Variants in KCNAB1 observed in about 807,000 individuals in gnomAD.
The protein encoded by KCNAB1 is potassium voltage-gated channel subfamily A regulatory beta subunit 1.
Under a neutral mutation model 64.6 loss-of-function variants are expected in KCNAB1, and 35 were observed. The ratio of observed to expected loss-of-function variants is 0.54; its 90% CI spans 0.41 to 0.72. KCNAB1 has a LOEUF of 0.72. Ranked by LOEUF, KCNAB1 falls within the 30% of genes least tolerant of loss-of-function variation. KCNAB1 has a pLI of 0.00. For missense variants in KCNAB1, 401 were observed against 512.9 expected, an observed-to-expected ratio of 0.78 and a Z score of 2.11; for synonymous variants, 177 against 183.8, an observed-to-expected ratio of 0.96 and a Z score of 0.30.
chr3:156,443,864 CT>C lies in KCNAB1; in HGVS notation c.320-9033del, dbSNP rs570237267. ...CCTTTATTTCTCCTGGCCTTTACCA[CT>C]TCCTTACCTACTTTTATTGCTATTT... On this transcript the variant is annotated intron_variant, in intron 2 of 13. Coordinates refer to ENST00000490337, the MANE Select transcript of KCNAB1 (RefSeq NM_172160.3). Among the ~76,000 whole-genome samples the C allele has an allele frequency of 9.7e-3, 1,479 of 152,232 alleles. 13 individuals carry two copies. Among genetic ancestry groups the C allele is most frequent in the South Asian group, 0.028 (136 of 4,818 alleles).
At position 156,537,022 on chromosome 3, in the gene KCNAB1, TG is replaced by T; in HGVS notation, c.*280del. 6.3e-6 allele frequency: 3 copies of T among 477,822 alleles called. No homozygotes were observed. Among genetic ancestry groups the T allele is most frequent in the Non-Finnish European group, 1.1e-5 (3 of 272,624 alleles). 29.6% of individuals were successfully genotyped at this position (477,822 alleles called of 1,614,324 possible). A position where few individuals can be genotyped will look rare whatever the true frequency, so the allele number is the denominator to read the frequency against. Reference sequence around the variant, plus strand: ...TCATGCTTATGCAATGGGAAGAATATGGGGGCCAGGGGGTGTGGTACTACCT... The same window carrying T: ...TCATGCTTATGCAATGGGAAGAATATGGGGCCAGGGGGTGTGGTACTACCT... On this transcript the variant is annotated 3_prime_UTR_variant, in exon 14 of 14. Coordinates refer to ENST00000490337, the MANE Select transcript of KCNAB1 (RefSeq NM_172160.3).
intron 1 of KCNAB1, among the ~76,000 whole-genome samples, chr3:156,129,550 C>A (rs1222316237): frequency 1.3e-5 from 2 of 152,232 alleles, no homozygotes; most frequent in African/African-American, 2.4e-5. Flanking sequence ...TAAATTCAAC[C>A]CCTTACAATC....
intron 1 of KCNAB1, among the ~76,000 whole-genome samples, chr3:156,152,921 G>C (rs1327944151): frequency 6.6e-6 from 1 of 152,164 alleles, no homozygotes; most frequent in Non-Finnish European, 1.5e-5. Context: ...TTCCATGCTA[G>C]CACTTTCTTC....
chr3:156,145,762 A>G (rs1259804837), intron 1 of KCNAB1, among the ~76,000 whole-genome samples: 4 of 152,164 alleles, frequency 2.6e-5, no homozygotes, highest in Admixed American at 1.3e-4. Context: ...TGACATAGAA[A>G]TGTCTAATAC....
intron 1 of KCNAB1, among the ~76,000 whole-genome samples, chr3:156,348,517 TG>T (rs1420845870): frequency 3.3e-5 from 5 of 152,060 alleles, no homozygotes; most frequent in Admixed American, 2.0e-4. Flanking sequence ...GCGGGGATGG[TG>T]GTGCCATTTA....
chr3:156,184,993 C>T (rs1425235866), intron 1 of KCNAB1, among the ~76,000 whole-genome samples: 1 of 152,190 alleles, frequency 6.6e-6, no homozygotes, highest in Non-Finnish European at 1.5e-5. Context: ...ACCTCCATAT[C>T]TCTGTTCTCA....
chr3:156,379,617 A>T (rs1712000759), intron 1 of KCNAB1, among the ~76,000 whole-genome samples: 1 of 152,184 alleles, frequency 6.6e-6, no homozygotes, highest in African/African-American at 2.4e-5. Context: ...GCCCCTGTGG[A>T]ACCACAGAGT....
chr3:156,484,736 TCAGA>T (rs893878483), intron 8 of KCNAB1, among the ~76,000 whole-genome samples: 6 of 152,124 alleles, frequency 3.9e-5, no homozygotes, highest in Non-Finnish European at 8.8e-5. Flanking sequence ...TCGAAAATTC[TCAGA>T]CAGCCGGGGA....
intron 1 of KCNAB1, among the ~76,000 whole-genome samples, chr3:156,306,472 G>A (rs1240371229): frequency 2.0e-5 from 3 of 152,304 alleles, no homozygotes; most frequent in Non-Finnish European, 4.4e-5. Flanking sequence ...TTAACATGTG[G>A]TGTTCCTCCC....
chr3:156,321,846 A>G (rs7641812), intron 1 of KCNAB1, among the ~76,000 whole-genome samples: 22,770 of 152,158 alleles, frequency 0.15, 5,568 homozygotes, highest in African/African-American at 0.51. Context: ...CCTTTAACAT[A>G]CCTTAGAATT....
At chr3:156,525,592 T>C (rs1347059781) in intron 12 of KCNAB1, among the ~76,000 whole-genome samples, 2 of 152,226 alleles carry the variant, frequency 1.3e-5, no homozygotes, top group Non-Finnish European at 2.9e-5. Flanking sequence ...CTCGGCTCAC[T>C]GCAACCTCCG....
chr3:156,120,595 T>C lies in KCNAB1; in HGVS notation c.-17T>C. On this transcript the variant is annotated 5_prime_UTR_variant, in exon 1 of 14. Coordinates refer to ENST00000490337, the MANE Select transcript of KCNAB1 (RefSeq NM_172160.3). ...TTGATGACAGTGACTTCCAGTCTTC[T>C]CTGAAAGATCTCCACGATGCTGGCA... The C allele has an allele frequency of 6.2e-7, 1 of 1,613,406 alleles. No individual in the cohort carries two copies. Among genetic ancestry groups the C allele is most frequent in the Non-Finnish European group, 8.5e-7 (1 of 1,179,536 alleles).
At chr3:156,502,799 T>C (rs905012648) in intron 8 of KCNAB1, among the ~76,000 whole-genome samples, 1 of 152,208 alleles carries the variant, frequency 6.6e-6, no homozygotes, top group Non-Finnish European at 1.5e-5. Context: ...ATCAGTGTCC[T>C]ACAACCTAGT....
intron 1 of KCNAB1, among the ~76,000 whole-genome samples, chr3:156,268,577 G>A (rs996393922): frequency 4.6e-5 from 7 of 152,166 alleles, no homozygotes; most frequent in African/African-American, 1.7e-4. Context: ...ACTGGGGTGA[G>A]ATGATATCTC....
intron 1 of KCNAB1, among the ~76,000 whole-genome samples, chr3:156,400,782 A>T (rs1576819746): frequency 2.6e-5 from 4 of 152,300 alleles, no homozygotes; most frequent in Admixed American, 1.3e-4. Flanking sequence ...CTCTCCACTC[A>T]GGTCTTAGCT....
chr3:156,222,637 A>G (rs901260453), intron 1 of KCNAB1, among the ~76,000 whole-genome samples: 2 of 152,364 alleles, frequency 1.3e-5, no homozygotes, highest in East Asian at 3.9e-4. Context: ...CATTCTATTC[A>G]TCAGCACATG....
intron 1 of KCNAB1, among the ~76,000 whole-genome samples, chr3:156,368,797 C>G (rs1259417144): frequency 1.3e-5 from 2 of 152,172 alleles, no homozygotes; most frequent in East Asian, 3.8e-4. Flanking sequence ...GCCCCGTGTA[C>G]AAGATGACCA....
chr3:156,292,068 C>T (rs769692234), intron 1 of KCNAB1: 95 of 1,614,048 alleles, frequency 5.9e-5, no homozygotes, highest in Non-Finnish European at 7.5e-5. Context: ...GGGACGTTCA[C>T]GCCTCAGCAT....
chr3:156,284,614 G>T (rs1263722776), intron 1 of KCNAB1, among the ~76,000 whole-genome samples: 1 of 152,176 alleles, frequency 6.6e-6, no homozygotes, highest in Admixed American at 6.5e-5. Flanking sequence ...CTAGCAATCA[G>T]CGAGACTCCG....
Sources: allele counts gnomAD v4.1 joint callset (sites outside exome capture counted in the v4.1 genomes callset), GRCh38; gene constraint gnomAD v4.1.1; transcripts MANE v1.5; gene names NCBI Gene and HGNC (gene_info 2026-07-23, HGNC 2026-07-21).